KHDRBS2: variants seen among roughly 807,000 people sequenced by gnomAD.
KHDRBS2 encodes KH RNA binding domain containing, signal transduction associated 2.
A neutral mutation model predicts 44.3 loss-of-function variants in KHDRBS2; 26 were observed. The ratio of observed to expected loss-of-function variants is 0.59; its 90% CI spans 0.43 to 0.81. The LOEUF is 0.81. Among genes scored for constraint, KHDRBS2 ranks in the 40% least tolerant of loss-of-function variants. The pLI, the probability that KHDRBS2 is intolerant of heterozygous loss-of-function variation, is 0.00. For synonymous variants in KHDRBS2, 194 were observed against 151.1 expected, an observed-to-expected ratio of 1.28 and a Z score of -2.08; for missense variants, 476 against 433.1, an observed-to-expected ratio of 1.10 and a Z score of -0.88.
intron 4 of KHDRBS2, among the ~76,000 whole-genome samples, chr6:61,934,838 C>T (rs1017572477): frequency 3.3e-5 from 5 of 152,112 alleles, no homozygotes; most frequent in African/African-American, 1.2e-4. Context: ...GATGTAAAAA[C>T]AGACACCTAG....
the KHDRBS2 span, among the ~76,000 whole-genome samples, chr6:61,654,468 C>A: frequency 3.2e-4 from 49 of 151,872 alleles, no homozygotes; most frequent in African/African-American, 1.1e-3. Context: ...GAGAGAACTG[C>A]ACTTCTGTTG....
At chr6:61,908,767 T>C (rs1291932120) in intron 4 of KHDRBS2, among the ~76,000 whole-genome samples, 2 of 152,104 alleles carry the variant, frequency 1.3e-5, no homozygotes, top group African/African-American at 4.8e-5. Context: ...AATGCTCCAC[T>C]TGTCAAAAAA....
intron 4 of KHDRBS2, among the ~76,000 whole-genome samples, chr6:61,977,082 T>C (rs190682074): frequency 5.3e-5 from 8 of 152,278 alleles, no homozygotes; most frequent in Admixed American, 4.6e-4. Context: ...TTTTAAATTC[T>C]TGAAATTCTC....
chr6:61,902,453 T>C (rs560563567), intron 4 of KHDRBS2, among the ~76,000 whole-genome samples: 1 of 152,172 alleles, frequency 6.6e-6, no homozygotes, highest in South Asian at 2.1e-4. Context: ...TACAGGTAAA[T>C]GCTACCTTCA....
intron 6 of KHDRBS2, among the ~76,000 whole-genome samples, chr6:61,734,664 A>C (rs1452664545): frequency 1.3e-5 from 2 of 152,142 alleles, no homozygotes; most frequent in Non-Finnish European, 2.9e-5. Context: ...TATGACATAA[A>C]TTATTTAATA....
At chr6:62,101,845 C>G (rs765268516) in intron 2 of KHDRBS2, among the ~76,000 whole-genome samples, 71 of 152,160 alleles carry the variant, frequency 4.7e-4, no homozygotes, top group Non-Finnish European at 7.8e-4. Flanking sequence ...TTTATTTCTG[C>G]ATCATTCTTT....
In KHDRBS2 at chr6:62,193,137, A is replaced by T. The variant is rs549674558; in HGVS notation, c.92-15825T>A. Among the ~76,000 whole-genome samples, 3 of 152,218 alleles carry T rather than the reference A, an allele frequency of 2.0e-5. No homozygotes were observed. In the East Asian group the frequency reaches 5.8e-4, roughly 29 times the overall value. On this transcript the variant is annotated intron_variant, in intron 1 of 8. Coordinates refer to ENST00000281156, the MANE Select transcript of KHDRBS2 (RefSeq NM_152688.4). The stretch of plus-strand genomic sequence containing the variant: ...ATATTTAAAACGAATATATATGTAT[A>T]TAGGTATGTGTATATCTCTATATGT...
intron 2 of KHDRBS2, among the ~76,000 whole-genome samples, chr6:62,112,610 A>T (rs1267494911): frequency 6.6e-6 from 1 of 152,162 alleles, no homozygotes; most frequent in Non-Finnish European, 1.5e-5. Flanking sequence ...ATAATATGAG[A>T]ATCCTTTTCA....
At position 61,978,217 on chromosome 6, in the gene KHDRBS2, GA is replaced by G; in HGVS notation, c.337-6del. 6.3e-7 allele frequency: 1 copy of G among 1,596,976 alleles called. No homozygotes were observed. Among genetic ancestry groups the G allele is most frequent in the African/African-American group, 1.4e-5 (1 of 73,952 alleles). On this transcript the variant is annotated splice_polypyrimidine_tract_variant and splice_region_variant and intron_variant, in intron 3 of 8. Coordinates refer to ENST00000281156, the MANE Select transcript of KHDRBS2 (RefSeq NM_152688.4). ...ACTCTTCCTTAGTTCTTCTTCCTGTGAAAAAGGTTATTTTTAGAAATACAAA... is the reference window on the plus strand; with the variant it reads ...ACTCTTCCTTAGTTCTTCTTCCTGTGAAAAGGTTATTTTTAGAAATACAAA...
chr6:61,846,750 G>T (rs1358548733), intron 6 of KHDRBS2, among the ~76,000 whole-genome samples: 3 of 151,004 alleles, frequency 2.0e-5, no homozygotes, highest in African/African-American at 4.9e-5. Context: ...TGTGGAATTT[G>T]GTAGTTCTAA....
chr6:62,143,857 T>C (rs1813374514), intron 2 of KHDRBS2, among the ~76,000 whole-genome samples: 1 of 151,878 alleles, frequency 6.6e-6, no homozygotes, highest in Non-Finnish European at 1.5e-5. Context: ...CTGACATAAG[T>C]GTTGGGAAAA....
chr6:61,642,986 A>G, the KHDRBS2 span, among the ~76,000 whole-genome samples: 1 of 152,192 alleles, frequency 6.6e-6, no homozygotes, highest in Non-Finnish European at 1.5e-5. Flanking sequence ...ATGACATTTA[A>G]AAATTATTTG....
intron 3 of KHDRBS2, among the ~76,000 whole-genome samples, chr6:62,022,737 AG>A (rs1202428755): frequency 6.6e-6 from 1 of 151,786 alleles, no homozygotes; most frequent in Non-Finnish European, 1.5e-5. Context: ...TTCAACTTCA[AG>A]AAATTTCTGA....
intron 2 of KHDRBS2, among the ~76,000 whole-genome samples, chr6:62,153,019 T>C (rs1207815433): frequency 6.6e-6 from 1 of 152,204 alleles, no homozygotes; most frequent in Non-Finnish European, 1.5e-5. Context: ...TGATTACGTA[T>C]GTGAATGAAC....
the KHDRBS2 span, among the ~76,000 whole-genome samples, chr6:61,622,568 C>T: frequency 2.0e-5 from 3 of 152,038 alleles, no homozygotes; most frequent in Admixed American, 2.0e-4. Flanking sequence ...TTTATTGGAA[C>T]AAAAGATTTA....
intron 6 of KHDRBS2, among the ~76,000 whole-genome samples, chr6:61,822,165 G>T (rs1008540819): frequency 2.0e-5 from 3 of 151,908 alleles, no homozygotes; most frequent in Admixed American, 1.3e-4. Flanking sequence ...ATTGCCCACT[G>T]CCAATTAGTT....
At chr6:62,101,355 C>T (rs747049192) in intron 2 of KHDRBS2, among the ~76,000 whole-genome samples, 1 of 152,116 alleles carries the variant, frequency 6.6e-6, no homozygotes, top group Non-Finnish European at 1.5e-5. Context: ...TTATGTAGGG[C>T]TTTCTAAGTA....
chr6:61,811,472 T>C (rs1414422479), intron 6 of KHDRBS2, among the ~76,000 whole-genome samples: 1 of 152,150 alleles, frequency 6.6e-6, no homozygotes, highest in East Asian at 1.9e-4. Flanking sequence ...TATCCAGTAA[T>C]AGAATTGCTG....
intron 4 of KHDRBS2, among the ~76,000 whole-genome samples, chr6:61,903,881 CAT>C: frequency 6.6e-6 from 1 of 152,304 alleles, no homozygotes; most frequent in Non-Finnish European, 1.5e-5. Context: ...AGCACCCAAA[CAT>C]AACAGTGAGG....
Sources: gnomAD v4.1 joint callset for allele counts (sites outside exome capture counted in the v4.1 genomes callset) on GRCh38, gnomAD v4.1.1 for gene constraint, MANE v1.5 for transcripts, NCBI Gene and HGNC (gene_info 2026-07-23, HGNC 2026-07-21) for gene names.